The following PCLO variants were observed in gnomAD, a reference collection of about 807,000 sequenced individuals.
PCLO encodes the protein piccolo presynaptic cytomatrix protein, also known as protein piccolo.
PCLO carries 82 observed loss-of-function variants against 427.5 expected under a neutral mutation model. The observed-to-expected ratio is 0.19, with a 90% CI of 0.16 to 0.23. PCLO has a LOEUF of 0.23. PCLO is among the 10% of genes least tolerant of loss of function. The pLI is 1.00. For synonymous variants in PCLO, 2,357 were observed against 2,155.4 expected (o/e 1.09, Z -2.59); for missense variants, 6,239 against 6,115.9 (o/e 1.02, Z -0.67).
chr7:82,924,144 C>A (rs186038884), intron 6 of PCLO, among the ~76,000 whole-genome samples: 4 of 151,786 alleles, frequency 2.6e-5, no homozygotes. Flanking sequence ...ACTCTGAATG[C>A]GAAAAGGCTG....
chr7:82,954,773 A>G lies in PCLO; in HGVS notation c.6180T>C (p.Asp2060=). 1 of 1,613,794 alleles carries G rather than the reference A, an allele frequency of 6.2e-7. No homozygotes were observed. Among genetic ancestry groups the G allele is most frequent in the African/African-American group, 1.3e-5 (1 of 74,996 alleles). ...TSTEEERKLL[D]ADAAYEELMK... is the part of the protein sequence containing the mutation. ...TAAGTTCTTCATAGGCAGCATCAGC[A>G]TCTAGTAGTTTCCTTTCTTCTTCTG... is the stretch of plus-strand genomic sequence containing the variant. The change falls in exon 5 of 25, where the codon GAT becomes GAC. Residue 2060 remains aspartate (D), a synonymous_variant. Transcript: ENST00000333891.
chr7:82,772,094 T>C (rs1266907289), intron 22 of PCLO, among the ~76,000 whole-genome samples: 1 of 152,140 alleles, frequency 6.6e-6, no homozygotes, highest in African/African-American at 2.4e-5. Context: ...TTTGTCTTTG[T>C]AGCCCATAGA....
intron 8 of PCLO, among the ~76,000 whole-genome samples, chr7:82,906,056 T>TAC (rs1354681900): frequency 3.3e-5 from 5 of 149,442 alleles, no homozygotes; most frequent in African/African-American, 1.0e-4. Flanking sequence ...GATAGATAGG[T>TAC]ACACACACAC....
At position 82,952,394 on chromosome 7, in the gene PCLO, T is replaced by C; in HGVS notation, c.8559A>G (p.Ile2853Met). 6.2e-7 allele frequency: 1 copy of C among 1,613,926 alleles called. No individual in the cohort carries two copies. ...GTGCTGGAGTACCTAGAGATAAGTT[T>C]ATTGGTGCTTCTTCCCTAGCTATAG... ...VFPIAREEAP[I>M]NLSLGTPAHA... Residue 2853 changes from isoleucine to methionine, a missense_variant, in exon 5 of 25, where the codon ATA (isoleucine) becomes ATG (methionine). Physicochemically the swap from Ile to Met is conservative, Grantham distance 10. This residue lies in a region of PCLO where 4,677 missense variants were observed against 4,468.4 expected (regional missense o/e 1.05). Coordinates refer to ENST00000333891, the MANE Select transcript of PCLO (RefSeq NM_033026.6).
chr7:82,899,648 T>G (rs958211006), intron 9 of PCLO, among the ~76,000 whole-genome samples: 5 of 151,524 alleles, frequency 3.3e-5, no homozygotes, highest in Admixed American at 6.6e-5. Context: ...GCAAATTTAT[T>G]GTCCAAAAAA....
chr7:82,916,498 C>T lies in PCLO; in HGVS notation c.11488G>A (p.Asp3830Asn). Residue 3830 changes from aspartate (D) to asparagine (N), a missense_variant, in exon 7 of 25, where the codon GAT becomes AAT. Physicochemically the swap from Asp to Asn is conservative, Grantham distance 23. This residue lies in a region of PCLO where 680 missense variants were observed against 677.3 expected (regional missense o/e 1.00). Coordinates refer to ENST00000333891, the MANE Select transcript of PCLO (RefSeq NM_033026.6). ...TCACTGTCAGACATGTAATCACGAT[C>T]CTCAGCTACTCCCTGGAGGTAGGCT... ...ERAYLQGVAEDRDYMSDSEVS... is the reference protein window; with the variant it reads ...ERAYLQGVAENRDYMSDSEVS... The T allele has an allele frequency of 6.2e-7, 1 of 1,613,698 alleles. No homozygotes were observed. The highest frequency in any genetic ancestry group is 8.5e-7 in the Non-Finnish European group (1 of 1,179,740).
intron 3 of PCLO, among the ~76,000 whole-genome samples, chr7:82,991,561 C>A (rs1324863376): frequency 6.6e-6 from 1 of 152,018 alleles, no homozygotes; most frequent in Non-Finnish European, 1.5e-5. Context: ...TTTAAATAAA[C>A]TTTGTATTGC....
intron 10 of PCLO, among the ~76,000 whole-genome samples, chr7:82,858,010 A>C (rs1792851983): frequency 6.6e-6 from 1 of 152,144 alleles, no homozygotes; most frequent in Non-Finnish European, 1.5e-5. Flanking sequence ...CCAGACAAGG[A>C]TGCTACAAAG....
chr7:83,028,688 C>T (rs1026912164), intron 3 of PCLO, among the ~76,000 whole-genome samples: 8 of 151,098 alleles, frequency 5.3e-5, no homozygotes, highest in South Asian at 2.1e-4. Context: ...GGAGGCATCA[C>T]GCTACCTGAC....
intron 6 of PCLO, among the ~76,000 whole-genome samples, chr7:82,925,918 T>C (rs1794702462): frequency 6.6e-6 from 1 of 151,760 alleles, no homozygotes. Context: ...GGGGTCCCAC[T>C]ATGTTGCCCC....
Position 82,955,871 on chromosome 7 carries a change from G to A in PCLO, c.5082C>T (p.Asp1694=), listed in dbSNP as rs367988765. 2.3e-5 allele frequency: 37 copies of A among 1,613,678 alleles called. No individual in the cohort carries two copies. Among genetic ancestry groups the A allele is most frequent in the African/African-American group, 1.1e-4 (8 of 74,862 alleles). ...TTTCCATTTCCAATTCTGGCTCTTCGTCAAAATACAAACTTGTTTTTTTCT... is the reference window on the plus strand; with the variant it reads ...TTTCCATTTCCAATTCTGGCTCTTCATCAAAATACAAACTTGTTTTTTTCT... ...SSQKKTSLYF[D]EEPELEMESL... Residue 1694 remains aspartate (D), a synonymous_variant, in exon 5 of 25, where the codon GAC becomes GAT. Coordinates refer to ENST00000333891, the MANE Select transcript of PCLO (RefSeq NM_033026.6).
At chr7:83,095,847 T>C (rs1248151250) in intron 3 of PCLO, among the ~76,000 whole-genome samples, 1 of 152,096 alleles carries the variant, frequency 6.6e-6, no homozygotes, top group African/African-American at 2.4e-5. Context: ...ATGTATGATA[T>C]GTTATTTCTT....
intron 3 of PCLO, among the ~76,000 whole-genome samples, chr7:83,094,348 A>G (rs1562960764): frequency 1.3e-5 from 2 of 151,778 alleles, no homozygotes; most frequent in Non-Finnish European, 2.9e-5. Context: ...AGCTGGGACT[A>G]CAGGTGTGCG....
chr7:82,986,137 G>A lies in PCLO; in HGVS notation c.3301-19650C>T, dbSNP rs975350821. On this transcript the variant is annotated intron_variant, in intron 3 of 24. Transcript: ENST00000333891. ...TGAGGTTATGACTACATTCAAGAAG[G>A]ATGAATGAGAAAAAACATAAGAATT... Among the ~76,000 whole-genome samples the A allele has an allele frequency of 2.6e-5, 4 of 151,896 alleles. No homozygotes were observed. In the East Asian group the frequency reaches 7.7e-4, roughly 29 times the overall value.
intron 3 of PCLO, among the ~76,000 whole-genome samples, chr7:83,002,201 A>G (rs1787840748): frequency 6.6e-6 from 1 of 151,054 alleles, no homozygotes; most frequent in Non-Finnish European, 1.5e-5. Context: ...TTCTCATTCT[A>G]TTATCTATAT....
chr7:83,099,801 T>C (rs1790691372), intron 3 of PCLO, among the ~76,000 whole-genome samples: 1 of 151,370 alleles, frequency 6.6e-6, no homozygotes, highest in South Asian at 2.1e-4. Context: ...TAGAACATGA[T>C]ACATACTCCA....
intron 6 of PCLO, among the ~76,000 whole-genome samples, chr7:82,936,564 A>G (rs1471972489): frequency 6.6e-6 from 1 of 151,610 alleles, no homozygotes; most frequent in Non-Finnish European, 1.5e-5. Flanking sequence ...ACCCTTATAC[A>G]TTGCTGGTGG....
intron 3 of PCLO, among the ~76,000 whole-genome samples, chr7:83,122,290 T>C (rs1056912490): frequency 2.9e-4 from 10 of 34,524 alleles, no homozygotes; most frequent in Non-Finnish European, 4.2e-4. Flanking sequence ...TCTTTTCTTT[T>C]TTTTTTTTTT....
intron 6 of PCLO, among the ~76,000 whole-genome samples, chr7:82,936,529 A>G (rs1460567011): frequency 1.1e-5 from 1 of 90,914 alleles, no homozygotes; most frequent in Non-Finnish European, 2.1e-5. Context: ...GAAAATAAGT[A>G]TTGGAAAGAT....
Sources: gnomAD v4.1 joint callset for allele counts (sites outside exome capture counted in the v4.1 genomes callset) on GRCh38, gnomAD v4.1.1 for gene constraint, gnomAD v4.1.1 regional missense constraint, MANE v1.5 for transcripts, NCBI Gene and HGNC (gene_info 2026-07-23, HGNC 2026-07-21) for gene names.